Variants in RALA observed in about 807,000 individuals in gnomAD.
RALA encodes the protein RAS like proto-oncogene A.
In RALA, 5 loss-of-function variants were observed where a neutral mutation model predicts 24.0. That is an observed-to-expected ratio of 0.21 (90% CI 0.11 to 0.44). RALA has a LOEUF of 0.44. RALA is among the 20% of genes least tolerant of loss of function. The probability of loss-of-function intolerance (pLI) is 0.99; values close to 1 mark genes in which losing one functional copy is unlikely to be tolerated. For synonymous variants in RALA, 77 were observed against 83.8 expected (o/e 0.92, Z 0.44); for missense variants, 95 against 241.2 (o/e 0.39, Z 4.01).
chr7:39,662,431 G>T (rs1792208595), intron 1 of RALA, among the ~76,000 whole-genome samples: 1 of 152,104 alleles, frequency 6.6e-6, no homozygotes, highest in Non-Finnish European at 1.5e-5. Flanking sequence ...TTTTAAAACT[G>T]AATGCTTTTA....
At chr7:39,647,567 T>G (rs1791947974) in intron 1 of RALA, among the ~76,000 whole-genome samples, 1 of 152,234 alleles carries the variant, frequency 6.6e-6, no homozygotes, top group Admixed American at 6.5e-5. Flanking sequence ...ATGTTTGCAC[T>G]GGACTGAATG....
intron 3 of RALA, among the ~76,000 whole-genome samples, chr7:39,694,748 A>G (rs1352525660): frequency 6.6e-6 from 1 of 152,100 alleles, no homozygotes; most frequent in Non-Finnish European, 1.5e-5. Context: ...AAGCATCACT[A>G]TAAAATGCCT....
chr7:39,656,564 T>A (rs931334902), intron 1 of RALA, among the ~76,000 whole-genome samples: 5 of 152,226 alleles, frequency 3.3e-5, no homozygotes, highest in Non-Finnish European at 5.9e-5. Context: ...GTAACAAGTT[T>A]CTTTGTCTTC....
Position 39,668,728 on chromosome 7 carries a change from T to C in RALA, c.-37-17903T>C, listed in dbSNP as rs140267880. Among the ~76,000 whole-genome samples, 564 of 130,474 alleles carry C rather than the reference T, an allele frequency of 4.3e-3. 4 individuals carry two copies. Among genetic ancestry groups the C allele is most frequent in the African/African-American group, 0.016 (546 of 34,090 alleles). The allele number at this position is 130,474 out of a possible 152,430, so 85.6% of individuals were successfully genotyped here. On this transcript the variant is annotated intron_variant, in intron 1 of 4. Transcript: ENST00000005257. The stretch of plus-strand genomic sequence containing the variant: ...CAGGAGATCACTTGAACCCAGGAGG[T>C]AGAGATTGTGGTGAGCCGAGATCGC...
At chr7:39,654,419 G>T (rs1183454868) in intron 1 of RALA, among the ~76,000 whole-genome samples, 1 of 152,162 alleles carries the variant, frequency 6.6e-6, no homozygotes, top group African/African-American at 2.4e-5. Flanking sequence ...GATCTTGCTA[G>T]TGAGCCAAAT....
intron 1 of RALA, among the ~76,000 whole-genome samples, chr7:39,672,275 C>T (rs1179987529): frequency 2.0e-5 from 3 of 152,118 alleles, no homozygotes; most frequent in Non-Finnish European, 4.4e-5. Context: ...ACACCAGAGT[C>T]ATATGGATGG....
intron 4 of RALA, chr7:39,697,286 A>G (rs1192752737): frequency 4.6e-6 from 2 of 439,468 alleles, no homozygotes; most frequent in East Asian, 1.4e-4. Flanking sequence ...CCCAGATAAG[A>G]GCGTTTTAAA....
At chr7:39,670,744 T>C (rs1476844901) in intron 1 of RALA, among the ~76,000 whole-genome samples, 6 of 152,336 alleles carry the variant, frequency 3.9e-5, no homozygotes, top group Non-Finnish European at 8.8e-5. Context: ...TTCTACCCTG[T>C]TACTTATTTC....
chr7:39,706,316 C>G lies in RALA; in HGVS notation c.*71C>G. The G allele has an allele frequency of 2.4e-5, 35 of 1,444,112 alleles. No individual in the cohort carries two copies. Among genetic ancestry groups the G allele is most frequent in the Non-Finnish European group, 3.3e-5 (35 of 1,073,526 alleles). The allele number at this position is 1,444,112 out of a possible 1,614,324, so 89.5% of individuals were successfully genotyped here. On this transcript the variant is annotated 3_prime_UTR_variant, in exon 5 of 5. Coordinates refer to ENST00000005257, the MANE Select transcript of RALA (RefSeq NM_005402.4). ...AATTTATAAGCATTGCCATTGAAGG[C>G]TTAATTGACTGAAATTACTTTAACA...
At chr7:39,649,949 G>C (rs1169431218) in intron 1 of RALA, among the ~76,000 whole-genome samples, 1 of 152,222 alleles carries the variant, frequency 6.6e-6, no homozygotes, top group African/African-American at 2.4e-5. Flanking sequence ...GTTGGATTTA[G>C]CAGTGTGGAG....
Position 39,684,542 on chromosome 7 carries a change from C to T in RALA, c.-37-2089C>T, listed in dbSNP as rs139513325. Among the ~76,000 whole-genome samples, 23 of 152,044 alleles carry T rather than the reference C, an allele frequency of 1.5e-4. 1 individual carries two copies. The East Asian group carries it at 3.3e-3, about 22-fold the overall frequency. Reference sequence around the variant, plus strand: ...ACAGCCCGTATGTGAGGCACAGACCCATGGCAGATTGTCCTGGCCCATTTG... The same window carrying T: ...ACAGCCCGTATGTGAGGCACAGACCTATGGCAGATTGTCCTGGCCCATTTG... On this transcript the variant is annotated intron_variant, in intron 1 of 4. Coordinates refer to ENST00000005257, the MANE Select transcript of RALA (RefSeq NM_005402.4).
In RALA at chr7:39,659,959, T is replaced by C. The variant is rs564669892; in HGVS notation, c.-37-26672T>C. 5.6e-4 allele frequency among the ~76,000 whole-genome samples: 86 copies of C among 152,308 alleles called. 1 individual carries two copies. The South Asian group carries it at 0.01, about 18-fold the overall frequency. On this transcript the variant is annotated intron_variant, in intron 1 of 4. Coordinates refer to ENST00000005257, the MANE Select transcript of RALA (RefSeq NM_005402.4). The stretch of plus-strand genomic sequence containing the variant: ...AAAGGAACATGCTCTCCAAGGGAGC[T>C]ATGTGCAGCTCTTGGCCCTTGGATG...
chr7:39,665,922 A>G (rs886575845), intron 1 of RALA, among the ~76,000 whole-genome samples: 17 of 151,884 alleles, frequency 1.1e-4, no homozygotes, highest in Non-Finnish European at 2.2e-4. Context: ...ATATGGCTCA[A>G]TTTTCTCACC....
At chr7:39,624,310 G>GT (rs35116603) in intron 1 of RALA, 47,653 of 138,182 alleles carry the variant, frequency 0.34, 8,350 homozygotes, top group East Asian at 0.47. Flanking sequence ...GTTTGTTTGT[G>GT]TTTTTTTTTT....
intron 1 of RALA, among the ~76,000 whole-genome samples, chr7:39,669,653 A>C (rs918734071): frequency 5.3e-5 from 8 of 152,120 alleles, no homozygotes; most frequent in Non-Finnish European, 7.4e-5. Flanking sequence ...CTGTACAAAA[A>C]AAATAGAAAA....
rs1202930198 is a variant in RALA, at chr7:39,633,236, G to A, written c.-38+9411G>A. 3.9e-5 allele frequency among the ~76,000 whole-genome samples: 6 copies of A among 152,262 alleles called. No individual in the cohort carries two copies. The East Asian group carries it at 5.8e-4, about 15-fold the overall frequency. On this transcript the variant is annotated intron_variant, in intron 1 of 4. Coordinates refer to ENST00000005257, the MANE Select transcript of RALA (RefSeq NM_005402.4). ...GCAAGGTAAATGTTAGTCTGTTCTC[G>A]CACTGCTATAAAGACATACCCGAGA...
intron 4 of RALA, among the ~76,000 whole-genome samples, chr7:39,704,109 T>C (rs1793074165): frequency 7.0e-6 from 1 of 142,602 alleles, no homozygotes; most frequent in African/African-American, 2.6e-5. Flanking sequence ...GAGGTTGCAG[T>C]GAGCTGAGAT....
At chr7:39,698,751 G>A (rs1792965187) in intron 4 of RALA, among the ~76,000 whole-genome samples, 1 of 152,082 alleles carries the variant, frequency 6.6e-6, no homozygotes, top group Non-Finnish European at 1.5e-5. Flanking sequence ...AGTCCTTGTG[G>A]TGATCATCTG....
At chr7:39,674,662 G>C (rs1218564230) in intron 1 of RALA, among the ~76,000 whole-genome samples, 1 of 152,102 alleles carries the variant, frequency 6.6e-6, no homozygotes, top group East Asian at 1.9e-4. Flanking sequence ...TATCCTAAGT[G>C]CTTGGGACCA....
Sources: gnomAD v4.1 joint callset for allele counts (sites outside exome capture counted in the v4.1 genomes callset) on GRCh38, gnomAD v4.1.1 for gene constraint, MANE v1.5 for transcripts, NCBI Gene and HGNC (gene_info 2026-07-23, HGNC 2026-07-21) for gene names.